TENM3: variants seen among roughly 807,000 people sequenced by gnomAD.
TENM3 encodes the protein teneurin-3.
Under a neutral mutation model 255.1 loss-of-function variants are expected in TENM3, and 63 were observed. The observed-to-expected ratio is 0.25, with a 90% CI of 0.20 to 0.30. The LOEUF (loss-of-function observed/expected upper bound fraction) is 0.30. Among genes scored for constraint, TENM3 ranks in the 10% least tolerant of loss-of-function variants. The pLI, the probability that TENM3 is intolerant of heterozygous loss-of-function variation, is 1.00. For missense variants in TENM3, 2,929 were observed against 3,461.1 expected (o/e 0.85, Z 3.86); for synonymous variants, 1,306 against 1,322.3 (o/e 0.99, Z 0.27).
rs770206043 is a variant in TENM3, at chr4:182,791,156, G to A, written c.5602-1118G>A. On this transcript the variant is annotated intron_variant, in intron 25 of 27. Transcript: ENST00000511685. ...AAGTCCAAGCTTTCCTTGGAACAAT[G>A]CAAACTATTAGGAACAATTCTCAGG... is the stretch of plus-strand genomic sequence containing the variant. Among the ~76,000 whole-genome samples the A allele has an allele frequency of 3.9e-5, 6 of 152,214 alleles. 1 individual carries two copies. Among genetic ancestry groups the A allele is most frequent in the Non-Finnish European group, 5.9e-5 (4 of 68,040 alleles).
chr4:181,751,733 G>A, the TENM3 span, among the ~76,000 whole-genome samples: 1 of 152,124 alleles, frequency 6.6e-6, no homozygotes, highest in Non-Finnish European at 1.5e-5. Flanking sequence ...AGCAGGTGCT[G>A]GCACTTTCCT....
the TENM3 span, among the ~76,000 whole-genome samples, chr4:182,046,319 T>A: frequency 6.6e-6 from 1 of 152,080 alleles, no homozygotes; most frequent in Non-Finnish European, 1.5e-5. Flanking sequence ...TCTTAATCTG[T>A]ACAGTAGAAA....
intron 23 of TENM3, among the ~76,000 whole-genome samples, chr4:182,774,644 A>C (rs1764531952): frequency 6.6e-6 from 1 of 152,192 alleles, no homozygotes; most frequent in South Asian, 2.1e-4. Context: ...ATGGAAGCTG[A>C]GCTCTCATTT....
At chr4:181,783,560 T>G in the TENM3 span, among the ~76,000 whole-genome samples, 1 of 152,338 alleles carries the variant, frequency 6.6e-6, no homozygotes, top group South Asian at 2.1e-4. Flanking sequence ...CATTTTCTCT[T>G]TATTCCCATC....
the TENM3 span, among the ~76,000 whole-genome samples, chr4:181,799,100 T>G: frequency 6.6e-6 from 1 of 152,222 alleles, no homozygotes; most frequent in Non-Finnish European, 1.5e-5. Context: ...TGTAATATCC[T>G]TAGAAACAAT....
intron 19 of TENM3, among the ~76,000 whole-genome samples, chr4:182,745,055 T>A (rs149451366): frequency 6.0e-4 from 91 of 152,308 alleles, no homozygotes; most frequent in African/African-American, 2.2e-3. Context: ...TGAAATGATA[T>A]CAGATAGAAA....
the TENM3 span, among the ~76,000 whole-genome samples, chr4:181,568,326 G>T: frequency 1.3e-5 from 2 of 152,078 alleles, no homozygotes; most frequent in South Asian, 2.1e-4. Flanking sequence ...ACCACACCCA[G>T]ATAATTGTTT....
chr4:182,320,163 G>A (rs1762964457), intron 1 of TENM3, among the ~76,000 whole-genome samples: 1 of 152,080 alleles, frequency 6.6e-6, no homozygotes, highest in Non-Finnish European at 1.5e-5. Flanking sequence ...TAACTCAGAG[G>A]TTTACACACT....
chr4:181,778,238 G>T, the TENM3 span, among the ~76,000 whole-genome samples: 21 of 151,904 alleles, frequency 1.4e-4, no homozygotes, highest in Non-Finnish European at 2.8e-4. Context: ...AGCAAAAAAA[G>T]GATGGCCTTT....
At chr4:182,611,385 A>C (rs1199738612) in intron 4 of TENM3, among the ~76,000 whole-genome samples, 1 of 151,260 alleles carries the variant, frequency 6.6e-6, no homozygotes, top group East Asian at 1.9e-4. Context: ...GATGTATTTA[A>C]TTATTAAATA....
intron 1 of TENM3, among the ~76,000 whole-genome samples, chr4:182,220,279 AG>A (rs1357556944): frequency 2.7e-5 from 4 of 147,634 alleles, no homozygotes; most frequent in African/African-American, 9.9e-5. Flanking sequence ...CAGGAGGCTG[AG>A]GCAGGAGAAT....
At chr4:182,215,250 A>G (rs990714911) in intron 1 of TENM3, among the ~76,000 whole-genome samples, 1 of 152,224 alleles carries the variant, frequency 6.6e-6, no homozygotes, top group Non-Finnish European at 1.5e-5. Context: ...CATTAAAGGA[A>G]AAGTGTTGTG....
At chr4:181,953,295 CATG>C in the TENM3 span, among the ~76,000 whole-genome samples, 373 of 151,706 alleles carry the variant, frequency 2.5e-3, 4 homozygotes, top group Middle Eastern at 0.017. Flanking sequence ...TCATCATCAT[CATG>C]ATCATCAGTC....
At chr4:182,276,931 C>CCTTGTGAAA (rs1379386929) in intron 1 of TENM3, among the ~76,000 whole-genome samples, 3 of 152,090 alleles carry the variant, frequency 2.0e-5, no homozygotes, top group Non-Finnish European at 2.9e-5. Context: ...AACAGGACTA[C>CCTTGTGAAA]CTTGTGAAAC....
At chr4:182,143,932 G>A (rs1055148985), upstream of TENM3, 1 of 152,738 alleles carries the variant, frequency 6.5e-6, no homozygotes, top group Non-Finnish European at 1.5e-5. The surrounding 1 kb of genome is among the most constrained non-coding windows in gnomAD (Gnocchi z 4.3). Flanking sequence ...GCCGGGAGGA[G>A]GGAAGGAGGG....
At chr4:182,474,994 A>C (rs570392236) in intron 3 of TENM3, among the ~76,000 whole-genome samples, 1 of 152,282 alleles carries the variant, frequency 6.6e-6, no homozygotes, top group Admixed American at 6.5e-5. Flanking sequence ...GCTCTTCAAA[A>C]GAGTTGATGT....
the TENM3 span, among the ~76,000 whole-genome samples, chr4:181,904,899 C>T: frequency 3.9e-5 from 6 of 152,080 alleles, no homozygotes; most frequent in African/African-American, 7.2e-5. Context: ...CTCATGATAG[C>T]GAATGGGTCT....
chr4:181,641,554 G>GTATATATATATATATATA, the TENM3 span, among the ~76,000 whole-genome samples: 9 of 26,906 alleles, frequency 3.3e-4, no homozygotes, highest in Admixed American at 6.9e-4. Context: ...TGGTGTGTGT[G>GTATATATATATATATATA]TATATATATA....
At chr4:182,390,440 G>T (rs921711018) in intron 3 of TENM3, among the ~76,000 whole-genome samples, 1 of 152,160 alleles carries the variant, frequency 6.6e-6, no homozygotes, top group Non-Finnish European at 1.5e-5. Context: ...TCCTCTGAGA[G>T]CTCTTGTTGG....
Sources: gnomAD v4.1 joint callset for allele counts (sites outside exome capture counted in the v4.1 genomes callset) on GRCh38, gnomAD v4.1.1 for gene constraint, Gnocchi (gnomAD v3.1) non-coding constraint, MANE v1.5 for transcripts, NCBI Gene and HGNC (gene_info 2026-07-23, HGNC 2026-07-21) for gene names.